MAPRE2: variants seen among roughly 807,000 people sequenced by gnomAD.
MAPRE2 encodes the protein microtubule-associated protein RP/EB family member 2.
In MAPRE2, 13 loss-of-function variants were observed where a neutral mutation model predicts 43.2. The observed-to-expected ratio is 0.30, with a 90% CI of 0.20 to 0.48. The LOEUF is 0.48. MAPRE2 is among the 20% of genes least tolerant of loss of function. MAPRE2 has a pLI of 0.99. For missense variants in MAPRE2, 161 were observed against 400.2 expected, an observed-to-expected ratio of 0.40 and a Z score of 5.10; for synonymous variants, 135 against 148.8, an observed-to-expected ratio of 0.91 and a Z score of 0.68.
Position 35,120,283 on chromosome 18 carries a change from C to T in MAPRE2, c.611-6665C>T, listed in dbSNP as rs73414669. Among the ~76,000 whole-genome samples, 182 of 152,318 alleles carry T rather than the reference C, an allele frequency of 1.2e-3. 1 individual carries two copies. Among genetic ancestry groups the T allele is most frequent in the African/African-American group, 4.2e-3 (176 of 41,566 alleles). On this transcript the variant is annotated intron_variant, in intron 4 of 6. Coordinates refer to ENST00000300249, the MANE Select transcript of MAPRE2 (RefSeq NM_014268.4). ...GCTGCCCCTAGCTGCTCAAGGAGGACTGCCCACTCTTAAGAGCCTCCACTG... is the reference window on the plus strand; with the variant it reads ...GCTGCCCCTAGCTGCTCAAGGAGGATTGCCCACTCTTAAGAGCCTCCACTG...
At chr18:35,083,412 C>T (rs1438306704) in intron 2 of MAPRE2, among the ~76,000 whole-genome samples, 1 of 152,138 alleles carries the variant, frequency 6.6e-6, no homozygotes, top group East Asian at 1.9e-4. Context: ...ACTTGTTTTT[C>T]ATTTGTAGTA....
At chr18:35,014,578 G>T (rs2097036960) in intron 2 of MAPRE2, among the ~76,000 whole-genome samples, 1 of 151,972 alleles carries the variant, frequency 6.6e-6, no homozygotes, top group Admixed American at 6.6e-5. Flanking sequence ...CCAAATGACT[G>T]GGTTAAGAGT....
intron 2 of MAPRE2, among the ~76,000 whole-genome samples, chr18:35,006,081 C>A (rs529832542): frequency 1.3e-5 from 2 of 152,066 alleles, no homozygotes; most frequent in Non-Finnish European, 2.9e-5. Flanking sequence ...TCAGTTATTT[C>A]GAACTATTAC....
At chr18:35,046,274 A>G (rs1905617040) in intron 1 of MAPRE2, among the ~76,000 whole-genome samples, 1 of 152,200 alleles carries the variant, frequency 6.6e-6, no homozygotes, top group Non-Finnish European at 1.5e-5. Flanking sequence ...GTCCTAGTAA[A>G]GTCCGATGGA....
upstream of MAPRE2, among the ~76,000 whole-genome samples, chr18:35,039,415 A>G (rs552607973): frequency 7.9e-5 from 12 of 152,330 alleles, 1 homozygote; most frequent in South Asian, 2.5e-3. Flanking sequence ...TTAGATATTC[A>G]TCTGTGTACC....
At chr18:35,066,274 G>T (rs1906834149) in intron 1 of MAPRE2, among the ~76,000 whole-genome samples, 1 of 152,298 alleles carries the variant, frequency 6.6e-6, no homozygotes, top group East Asian at 1.9e-4. Context: ...GTCCACTTTT[G>T]TAAGGGAAGA....
intron 1 of MAPRE2, among the ~76,000 whole-genome samples, chr18:35,055,387 G>A (rs1005409885): frequency 3.3e-5 from 5 of 152,112 alleles, no homozygotes; most frequent in African/African-American, 4.8e-5. Flanking sequence ...TTACATGGTC[G>A]TCTTTTAAGG....
chr18:35,002,545 T>C (rs1237496244), intron 1 of MAPRE2, among the ~76,000 whole-genome samples: 1 of 152,212 alleles, frequency 6.6e-6, no homozygotes, highest in East Asian at 1.9e-4. Context: ...ATGAGTGATC[T>C]AGTTTCTTCA....
intron 2 of MAPRE2, among the ~76,000 whole-genome samples, chr18:35,084,607 T>A (rs1023592395): frequency 2.0e-5 from 3 of 152,258 alleles, no homozygotes; most frequent in Middle Eastern, 3.2e-3. Context: ...TTATTCTGTG[T>A]GTTCAAGGGA....
At chr18:35,139,376 TA>T (rs1474262387) in intron 6 of MAPRE2, among the ~76,000 whole-genome samples, 2 of 152,110 alleles carry the variant, frequency 1.3e-5, no homozygotes, top group African/African-American at 4.8e-5. Context: ...TCAGCTTGGG[TA>T]AAAAACAGCA....
intron 2 of MAPRE2, among the ~76,000 whole-genome samples, chr18:35,009,699 G>A (rs1568970481): frequency 6.6e-6 from 1 of 152,210 alleles, no homozygotes; most frequent in African/African-American, 2.4e-5. Context: ...CCTGGGATCG[G>A]TGAGACCTAC....
chr18:35,041,723 C>G, intron 1 of MAPRE2, 62 bp downstream of exon 1: 1 of 1,612,320 alleles, frequency 6.2e-7, no homozygotes, highest in Non-Finnish European at 8.5e-7. Context: ...GAAATCCAGC[C>G]CGTTATATAA....
chr18:35,009,824 C>G (rs983674966), intron 2 of MAPRE2, among the ~76,000 whole-genome samples: 3 of 152,180 alleles, frequency 2.0e-5, no homozygotes, highest in African/African-American at 7.2e-5. Flanking sequence ...AATCCAACAT[C>G]TCATTTTACA....
chr18:35,095,367 C>T (rs903739997), intron 2 of MAPRE2, among the ~76,000 whole-genome samples: 23 of 129,576 alleles, frequency 1.8e-4, no homozygotes, highest in East Asian at 6.8e-4. Context: ...AGAAAATACA[C>T]ACACACACAC....
chr18:35,075,680 C>G lies in MAPRE2; in HGVS notation c.250+5358C>G, dbSNP rs537378316. Among the ~76,000 whole-genome samples, 5 of 151,504 alleles carry G rather than the reference C, an allele frequency of 3.3e-5. No homozygotes were observed. The South Asian group carries it at 8.3e-4, about 25-fold the overall frequency. ...GTTTTTTTGCTGACAGTTTTTTTCTCTAATTATTTGACTCATGCTAATTTT... is the reference window on the plus strand; with the variant it reads ...GTTTTTTTGCTGACAGTTTTTTTCTGTAATTATTTGACTCATGCTAATTTT... On this transcript the variant is annotated intron_variant, in intron 2 of 6. Coordinates refer to ENST00000300249, the MANE Select transcript of MAPRE2 (RefSeq NM_014268.4).
chr18:35,097,713 G>A, intron 3 of MAPRE2, 122 bp downstream of exon 3: 1 of 780,780 alleles, frequency 1.3e-6, no homozygotes. Flanking sequence ...GTAGGCTGGG[G>A]TCTGTACCTA....
At chr18:35,118,954 C>A (rs1324955437) in intron 4 of MAPRE2, among the ~76,000 whole-genome samples, 4 of 152,136 alleles carry the variant, frequency 2.6e-5, no homozygotes, top group Non-Finnish European at 1.5e-5. Context: ...CTCACACTTA[C>A]TGTGAGAGAC....
chr18:35,073,308 T>G (rs1244979584), intron 2 of MAPRE2, among the ~76,000 whole-genome samples: 2 of 152,190 alleles, frequency 1.3e-5, no homozygotes, highest in African/African-American at 4.8e-5. Flanking sequence ...TTTATGAAAT[T>G]ATTTATTTAT....
At chr18:34,997,066 A>C (rs1012529730) in intron 1 of MAPRE2, among the ~76,000 whole-genome samples, 6 of 152,176 alleles carry the variant, frequency 3.9e-5, no homozygotes, top group African/African-American at 1.4e-4. Context: ...GGAGGTTTAC[A>C]ACTTGCAACA....
Sources: allele counts gnomAD v4.1 joint callset (sites outside exome capture counted in the v4.1 genomes callset), GRCh38; gene constraint gnomAD v4.1.1; transcripts MANE v1.5; gene names NCBI Gene and HGNC (gene_info 2026-07-23, HGNC 2026-07-21).